The following OR6C2 variants were observed in gnomAD, a reference collection of about 807,000 sequenced individuals.
The protein encoded by OR6C2 is olfactory receptor 6C2.
For synonymous variants in OR6C2, 146 were observed against 134.2 expected (o/e 1.09, Z -0.61); for missense variants, 435 against 365.8 (o/e 1.19, Z -1.54).
intron 1 of OR6C2, among the ~76,000 whole-genome samples, chr12:55,447,925 T>C (rs896219015): frequency 6.6e-6 from 1 of 152,116 alleles, no homozygotes; most frequent in African/African-American, 2.4e-5. Flanking sequence ...CTATTTTCTA[T>C]GGTGGCTACA....
chr12:55,445,274 A>G (rs1871341238), intron 1 of OR6C2, among the ~76,000 whole-genome samples: 2 of 152,090 alleles, frequency 1.3e-5, no homozygotes, highest in South Asian at 4.1e-4. Context: ...ATAAGTATGT[A>G]TTTTCCTGTA....
At position 55,453,118 on chromosome 12, in the gene OR6C2, C is replaced by G. The variant is rs1415916206; in HGVS notation, c.905C>G (p.Ser302Cys). 4.3e-6 allele frequency: 7 copies of G among 1,612,712 alleles called. No homozygotes were observed. The highest frequency in any genetic ancestry group is 5.1e-6 in the Non-Finnish European group (6 of 1,179,356). The change falls in exon 2 of 2, where the codon TCT becomes TGT. Residue 302 changes from serine to cysteine, a missense_variant. Ser to Cys is a moderately radical substitution (Grantham distance 112). Transcript: ENST00000641202. Reference protein sequence around the residue: ...NKQVKQAFSDSIKRIAFLSKK With the variant: ...NKQVKQAFSDCIKRIAFLSKK ...CAAGTGAAACAAGCTTTCAGTGACT[C>G]TATAAAGAGGATTGCATTTCTCTCA...
chr12:55,444,700 T>A (rs546405990), intron 1 of OR6C2, among the ~76,000 whole-genome samples: 1 of 152,236 alleles, frequency 6.6e-6, no homozygotes, highest in East Asian at 1.9e-4. Flanking sequence ...TTTCCTAGTG[T>A]GTGTTCAAAG....
chr12:55,451,856 G>GT lies in OR6C2; in HGVS notation c.-355dup, dbSNP rs1871479522. 1 of 184,328 alleles carries GT rather than the reference G, an allele frequency of 5.4e-6. No homozygotes were observed. Among genetic ancestry groups the GT allele is most frequent in the African/African-American group, 2.3e-5 (1 of 42,678 alleles). 11.4% of individuals were successfully genotyped at this position (184,328 alleles called of 1,614,324 possible). A position where few individuals can be genotyped will look rare whatever the true frequency, so the allele number is the denominator to read the frequency against. On this transcript the variant is annotated 5_prime_UTR_variant, in exon 2 of 2. The change creates a premature stop within an existing upstream ORF in the 5' untranslated region. Transcript: ENST00000641202. ...TCAGAGTTTGTCCTGGACAAAAAAT[G>GT]TTTAAGTACCTATAAAATGACATCA...
rs181642209 is a variant in OR6C2, at chr12:55,451,451, G to A, written c.-763G>A. ...GACCTAAAGATATATTGAAAAAGAC[G>A]CAGCCTAGAAGACTATATTTAGTGG... On this transcript the variant is annotated 5_prime_UTR_variant, in exon 2 of 2. Transcript: ENST00000641202. 119 of 152,102 alleles carry A rather than the reference G, an allele frequency of 7.8e-4. No homozygotes were observed. The highest frequency in any genetic ancestry group is 2.6e-3 in the African/African-American group (106 of 41,528). The allele number at this position is 152,102 out of a possible 1,614,324, so 9.4% of individuals were successfully genotyped here. A position where few individuals can be genotyped will look rare whatever the true frequency, so the allele number is the denominator to read the frequency against.
At chr12:55,448,656 A>AAAAAAAAAAAAAG (rs1555179356) in intron 1 of OR6C2, among the ~76,000 whole-genome samples, 1 of 142,812 alleles carries the variant, frequency 7.0e-6, no homozygotes, top group Non-Finnish European at 1.5e-5. Context: ...AAAAAAAAAA[A>AAAAAAAAAAAAAG]AAAGAAAGAA....
At chr12:55,449,101 C>G (rs1592297662) in intron 1 of OR6C2, among the ~76,000 whole-genome samples, 1 of 151,812 alleles carries the variant, frequency 6.6e-6, no homozygotes, top group East Asian at 1.9e-4. Flanking sequence ...AGCAAATGTA[C>G]TAGGAGTGTT....
intron 1 of OR6C2, among the ~76,000 whole-genome samples, chr12:55,450,045 C>A (rs539178654): frequency 1.3e-5 from 2 of 152,134 alleles, no homozygotes; most frequent in South Asian, 4.1e-4. Context: ...GTAGACAAAT[C>A]TGTTTTATTT....
chr12:55,453,158 G>C lies in OR6C2; in HGVS notation c.*6G>C, dbSNP rs1871526792. On this transcript the variant is annotated 3_prime_UTR_variant, in exon 2 of 2. Coordinates refer to ENST00000641202, the MANE Select transcript of OR6C2 (RefSeq NM_054105.2). ...CATTTCTCTCAAAGAAGTAGAAGCT[G>C]TGATGAATTGGCATAAAGTGAATGA... 1 of 1,600,780 alleles carries C rather than the reference G, an allele frequency of 6.2e-7. No individual in the cohort carries two copies. The highest frequency in any genetic ancestry group is 1.1e-5 in the South Asian group (1 of 90,128).
chr12:55,450,637 T>G (rs907160441), intron 1 of OR6C2, among the ~76,000 whole-genome samples: 2 of 152,028 alleles, frequency 1.3e-5, no homozygotes, highest in Non-Finnish European at 2.9e-5. Context: ...TTTGGCTACA[T>G]CACATACATG....
chr12:55,452,231 A>G lies in OR6C2; in HGVS notation c.18A>G (p.Val6=), dbSNP rs140190456. Residue 6 remains valine (V), a synonymous_variant, in exon 2 of 2, where the codon GTA becomes GTG. Coordinates refer to ENST00000641202, the MANE Select transcript of OR6C2 (RefSeq NM_054105.2). ...GAACAGTGATGAAAAACCACACAGT[A>G]ATAAGAACTTTTATCCTGCTGGGAC... MKNHT[V]IRTFILLGLT... is the part of the protein sequence containing the mutation. 558 of 1,583,140 alleles carry G rather than the reference A, an allele frequency of 3.5e-4. 5 individuals are homozygous for G. In the South Asian group the frequency reaches 5.9e-3, roughly 17 times the overall value.
chr12:55,453,161 A>C lies in OR6C2; in HGVS notation c.*9A>C. The C allele has an allele frequency of 6.3e-7, 1 of 1,594,550 alleles. No homozygotes were observed. The highest frequency in any genetic ancestry group is 8.6e-7 in the Non-Finnish European group (1 of 1,165,040). On this transcript the variant is annotated 3_prime_UTR_variant, in exon 2 of 2. Coordinates refer to ENST00000641202, the MANE Select transcript of OR6C2 (RefSeq NM_054105.2). ...TTCTCTCAAAGAAGTAGAAGCTGTG[A>C]TGAATTGGCATAAAGTGAATGAAGA...
At position 55,453,320 on chromosome 12, in the gene OR6C2, C is replaced by T. The variant is rs147142704; in HGVS notation, c.*168C>T. On this transcript the variant is annotated 3_prime_UTR_variant, in exon 2 of 2. Coordinates refer to ENST00000641202, the MANE Select transcript of OR6C2 (RefSeq NM_054105.2). ...ATCTTTATCAAAATCCTTATTATTT[C>T]GAACCAAGGTCATACATTGTGTTTT... The T allele has an allele frequency of 2.6e-4, 146 of 572,540 alleles. No individual in the cohort carries two copies. The East Asian group carries it at 2.8e-3, about 11-fold the overall frequency. 35.5% of individuals were successfully genotyped at this position (572,540 alleles called of 1,614,324 possible).
At chr12:55,444,193 T>G (rs1211349722) in intron 1 of OR6C2, 34 bp downstream of exon 1, 5 of 152,276 alleles carry the variant, frequency 3.3e-5, no homozygotes, top group African/African-American at 9.6e-5. Context: ...ATTTGAGAGA[T>G]AAGAGAAAGA....
intron 1 of OR6C2, among the ~76,000 whole-genome samples, chr12:55,445,923 G>C (rs575728410): frequency 4.7e-4 from 72 of 152,202 alleles, no homozygotes; most frequent in Non-Finnish European, 9.1e-4. Context: ...TTATCCACTA[G>C]GGCCTAACCT....
chr12:55,448,632 T>A (rs1276265213), intron 1 of OR6C2, among the ~76,000 whole-genome samples: 1 of 41,882 alleles, frequency 2.4e-5, no homozygotes, highest in African/African-American at 8.3e-5. Flanking sequence ...GTATCTGGCT[T>A]CCATTCACTG....
intron 1 of OR6C2, among the ~76,000 whole-genome samples, chr12:55,448,467 G>C (rs1871402277): frequency 6.8e-6 from 1 of 147,652 alleles, no homozygotes; most frequent in Admixed American, 6.7e-5. Flanking sequence ...ACTATACCTG[G>C]TTCCAAACTC....
At position 55,452,838 on chromosome 12, in the gene OR6C2, CT is replaced by C; in HGVS notation, c.626del (p.Leu209GlnfsTer4). 6.2e-7 allele frequency: 1 copy of C among 1,613,764 alleles called. No homozygotes were observed. Among genetic ancestry groups the C allele is most frequent in the Non-Finnish European group, 8.5e-7 (1 of 1,179,792 alleles). On this transcript the variant is annotated frameshift_variant, in exon 2 of 2. Coordinates refer to ENST00000641202, the MANE Select transcript of OR6C2 (RefSeq NM_054105.2). LOFTEE classifies it low-confidence loss of function (END_TRUNC). ...GGCTGTATTTGCACTCATTATCACCCTAGTTTGTGTGATTCTGTCCTACTTG... is the reference window on the plus strand; with the variant it reads ...GGCTGTATTTGCACTCATTATCACCCAGTTTGTGTGATTCTGTCCTACTTG... ...LMAVFALIITLVCVILSYLYI... is the reference protein window; with the variant it reads ...LMAVFALIITXVCVILSYLYI...
At chr12:55,446,104 G>A (rs1271879345) in intron 1 of OR6C2, among the ~76,000 whole-genome samples, 1 of 150,690 alleles carries the variant, frequency 6.6e-6, no homozygotes, top group African/African-American at 2.4e-5. Context: ...CACTACAGTA[G>A]TAATTTCCTT....
Sources: allele counts gnomAD v4.1 joint callset (sites outside exome capture counted in the v4.1 genomes callset), GRCh38; gene constraint gnomAD v4.1.1; transcripts MANE v1.5; gene names NCBI Gene and HGNC (gene_info 2026-07-23, HGNC 2026-07-21).